Variants in XKR4 observed in about 807,000 individuals in gnomAD.
The protein encoded by XKR4 is XK related 4, also known as XK-related protein 4.
A neutral mutation model predicts 53.9 loss-of-function variants in XKR4; 12 were observed. That is an observed-to-expected ratio of 0.22 (90% CI 0.14 to 0.36). The LOEUF (loss-of-function observed/expected upper bound fraction) is 0.36, where lower values mean the gene tolerates loss of function less well. Among genes scored for constraint, XKR4 ranks in the 10% least tolerant of loss-of-function variants. XKR4 has a pLI of 1.00. For missense variants in XKR4, 799 were observed against 859.5 expected (o/e 0.93, Z 0.88); for synonymous variants, 354 against 362.4 (o/e 0.98, Z 0.26).
chr8:55,195,611 C>T (rs1045626819), intron 1 of XKR4, among the ~76,000 whole-genome samples: 1 of 151,738 alleles, frequency 6.6e-6, no homozygotes, highest in Non-Finnish European at 1.5e-5. Context: ...ATTTAAACTC[C>T]CAAATTGCTC....
chr8:55,420,136 CT>C (rs1458491316), intron 2 of XKR4, among the ~76,000 whole-genome samples: 1 of 151,942 alleles, frequency 6.6e-6, no homozygotes, highest in Non-Finnish European at 1.5e-5. Context: ...TTGCTACTGT[CT>C]TATAGATTAA....
At chr8:55,488,500 A>G (rs1426332771) in intron 2 of XKR4, among the ~76,000 whole-genome samples, 2 of 152,236 alleles carry the variant, frequency 1.3e-5, no homozygotes, top group Non-Finnish European at 2.9e-5. Context: ...ATTATTCAGC[A>G]CTAAAAAGAA....
intron 2 of XKR4, among the ~76,000 whole-genome samples, chr8:55,505,186 A>G (rs1285906577): frequency 6.6e-6 from 1 of 152,140 alleles, no homozygotes; most frequent in Admixed American, 6.5e-5. Flanking sequence ...ATTTATATCT[A>G]TAGATGTTTT....
intron 2 of XKR4, among the ~76,000 whole-genome samples, chr8:55,414,435 T>C (rs963951248): frequency 6.6e-6 from 1 of 151,554 alleles, no homozygotes; most frequent in Non-Finnish European, 1.5e-5. Flanking sequence ...GAGCACCCAA[T>C]AAGATGGAAG....
At chr8:55,258,264 G>A (rs552235705) in intron 1 of XKR4, among the ~76,000 whole-genome samples, 4 of 152,330 alleles carry the variant, frequency 2.6e-5, no homozygotes, top group African/African-American at 7.2e-5. Flanking sequence ...GGGAAGAGAG[G>A]TTTGGGTGCA....
At chr8:55,322,731 G>A (rs543150777) in intron 1 of XKR4, among the ~76,000 whole-genome samples, 6 of 152,156 alleles carry the variant, frequency 3.9e-5, no homozygotes, top group Admixed American at 1.3e-4. Flanking sequence ...GCTAGAGTAC[G>A]TGATATGTCT....
At chr8:55,113,148 A>G (rs1816256855) in intron 1 of XKR4, among the ~76,000 whole-genome samples, 1 of 152,162 alleles carries the variant, frequency 6.6e-6, no homozygotes, top group African/African-American at 2.4e-5. Flanking sequence ...AGGATATAAT[A>G]TCTACCTACT....
chr8:55,311,828 GC>G (rs1403278087), intron 1 of XKR4, among the ~76,000 whole-genome samples: 1 of 19,802 alleles, frequency 5.0e-5, no homozygotes, highest in African/African-American at 3.2e-4. Flanking sequence ...CTGTAATTTA[GC>G]AAAAAAAAAA....
intron 1 of XKR4, among the ~76,000 whole-genome samples, chr8:55,350,051 T>C (rs1803703680): frequency 6.6e-6 from 1 of 152,228 alleles, no homozygotes; most frequent in East Asian, 1.9e-4. Flanking sequence ...AAATTATTAA[T>C]GGGATACATT....
At chr8:55,485,354 A>C (rs1408365955) in intron 2 of XKR4, among the ~76,000 whole-genome samples, 1 of 152,236 alleles carries the variant, frequency 6.6e-6, no homozygotes, top group Non-Finnish European at 1.5e-5. Context: ...TCTGAACAAA[A>C]AATCCCAAGG....
rs555218369 is a variant in XKR4 at position 55,304,279 on chromosome 8, G to A, written c.807-53399G>A. On this transcript the variant is annotated intron_variant, in intron 1 of 2. Coordinates refer to ENST00000327381, the MANE Select transcript of XKR4 (RefSeq NM_052898.2). ...GTACCCAGTAGTCATTCAGGAGCAG[G>A]TTTCAGTTTCCATGTAGTTGAGCGG... Among the ~76,000 whole-genome samples the A allele has an allele frequency of 7.1e-3, 1,085 of 152,080 alleles. 4 individuals are homozygous for A. Among genetic ancestry groups the A allele is most frequent in the Non-Finnish European group, 0.013 (885 of 67,926 alleles).
chr8:55,457,345 T>C (rs888707480), intron 2 of XKR4, among the ~76,000 whole-genome samples: 1 of 152,144 alleles, frequency 6.6e-6, no homozygotes, highest in African/African-American at 2.4e-5. Context: ...GGTTTCACCA[T>C]GTTAGGCAGG....
At chr8:55,284,356 G>A (rs1818878573) in intron 1 of XKR4, among the ~76,000 whole-genome samples, 1 of 152,094 alleles carries the variant, frequency 6.6e-6, no homozygotes, top group Non-Finnish European at 1.5e-5. Flanking sequence ...AAATTCAGGA[G>A]CAACTTAGTT....
In XKR4 at chr8:55,534,641, C is replaced by T. The variant is rs73595359; in HGVS notation, c.*10414C>T. 0.26 allele frequency: 39,361 copies of T among 151,588 alleles called. 5,805 individuals are homozygous for T. The highest frequency in any genetic ancestry group is 0.44 in the East Asian group (2,271 of 5,154). 9.4% of individuals were successfully genotyped at this position (151,588 alleles called of 1,614,324 possible). A position where few individuals can be genotyped will look rare whatever the true frequency, so the allele number is the denominator to read the frequency against. ...CTGCCCTCCTTGGCCTCCCAAAGTG[C>T]TGGGATTACAGGCGTGAGCCACCAC... On this transcript the variant is annotated 3_prime_UTR_variant, in exon 3 of 3. Coordinates refer to ENST00000327381, the MANE Select transcript of XKR4 (RefSeq NM_052898.2).
chr8:55,339,537 C>T (rs182002316), intron 1 of XKR4, among the ~76,000 whole-genome samples: 65 of 152,292 alleles, frequency 4.3e-4, no homozygotes, highest in Admixed American at 1.5e-3. Context: ...TGCATTCCTT[C>T]GACTGCCCCT....
intron 2 of XKR4, among the ~76,000 whole-genome samples, chr8:55,458,273 T>C (rs914162135): frequency 2.6e-5 from 4 of 152,210 alleles, no homozygotes; most frequent in African/African-American, 4.8e-5. Flanking sequence ...GGTTGGCTTG[T>C]TTACTCAGCC....
At chr8:55,361,981 C>G (rs1360345294) in intron 2 of XKR4, among the ~76,000 whole-genome samples, 1 of 152,206 alleles carries the variant, frequency 6.6e-6, no homozygotes, top group Admixed American at 6.5e-5. Context: ...GTGTCCTGAA[C>G]TTCAGCCCCT....
chr8:55,135,475 T>C, intron 1 of XKR4: 1 of 393,636 alleles, frequency 2.5e-6, no homozygotes, highest in South Asian at 1.8e-5. Flanking sequence ...CCAAATCATA[T>C]CTGAATCGGT....
intron 2 of XKR4, among the ~76,000 whole-genome samples, chr8:55,428,707 T>G (rs945430391): frequency 6.6e-6 from 1 of 152,212 alleles, no homozygotes; most frequent in Non-Finnish European, 1.5e-5. Flanking sequence ...CCTACTTCAG[T>G]GTAGAGTCAG....
Sources: allele counts gnomAD v4.1 joint callset (sites outside exome capture counted in the v4.1 genomes callset), GRCh38; gene constraint gnomAD v4.1.1; transcripts MANE v1.5; gene names NCBI Gene and HGNC (gene_info 2026-07-23, HGNC 2026-07-21).